Variants in GNG4 observed in about 807,000 individuals in gnomAD.
GNG4 encodes G protein subunit gamma 4.
A neutral mutation model predicts 5.8 loss-of-function variants in GNG4; 4 were observed. The ratio of observed to expected loss-of-function variants is 0.69; its 90% CI spans 0.34 to 1.57. The LOEUF is 1.57. Ranked by LOEUF, GNG4 falls within the 40% of genes most tolerant of loss-of-function variation. The pLI, the probability that GNG4 is intolerant of heterozygous loss-of-function variation, is 0.06. For missense variants in GNG4, 96 were observed against 95.1 expected, an observed-to-expected ratio of 1.01 and a Z score of -0.04; for synonymous variants, 29 against 32.9, an observed-to-expected ratio of 0.88 and a Z score of 0.41.
chr1:235,566,023 CA>C (rs1687184977), intron 3 of GNG4: 1 of 152,224 alleles, frequency 6.6e-6, no homozygotes. Flanking sequence ...GACTCTATCA[CA>C]CTGATAAAGA....
chr1:235,624,861 T>C (rs1688777997), intron 1 of GNG4, among the ~76,000 whole-genome samples: 1 of 152,218 alleles, frequency 6.6e-6, no homozygotes, highest in Admixed American at 6.5e-5. Context: ...GCAAACAGGC[T>C]CCTGAACACT....
At chr1:235,638,741 T>G (rs972030394) in intron 1 of GNG4, among the ~76,000 whole-genome samples, 2 of 152,110 alleles carry the variant, frequency 1.3e-5, no homozygotes, top group African/African-American at 4.8e-5. Flanking sequence ...CATTTATGAG[T>G]GAGAACATGC....
chr1:235,589,898 C>G (rs1687918855), intron 2 of GNG4, among the ~76,000 whole-genome samples: 1 of 152,114 alleles, frequency 6.6e-6, no homozygotes. Flanking sequence ...CCTCATGGTT[C>G]AGGCCATATT....
intron 1 of GNG4, among the ~76,000 whole-genome samples, chr1:235,602,164 GAA>G (rs1240307716): frequency 6.6e-6 from 1 of 152,138 alleles, no homozygotes; most frequent in East Asian, 1.9e-4. Flanking sequence ...TCCAGCTACT[GAA>G]GAGGCTGAGG....
Position 235,569,443 on chromosome 1 carries a change from G to C in GNG4, c.99+14297C>G, listed in dbSNP as rs538888760. 8.4e-5 allele frequency among the ~76,000 whole-genome samples: 11 copies of C among 131,688 alleles called. No individual in the cohort carries two copies. The South Asian group carries it at 2.8e-3, about 34-fold the overall frequency. 86.4% of individuals were successfully genotyped at this position (131,688 alleles called of 152,430 possible). A position where few individuals can be genotyped will look rare whatever the true frequency, so the allele number is the denominator to read the frequency against. On this transcript the variant is annotated intron_variant, in intron 3 of 3. Coordinates refer to ENST00000391854, the MANE Select transcript of GNG4 (RefSeq NM_001098722.2). ...ACTGCACTCCAGCCTGGGTGACAGAGGGAGACCGTGTCTCAAAAAAAAAAA... is the reference window on the plus strand; with the variant it reads ...ACTGCACTCCAGCCTGGGTGACAGACGGAGACCGTGTCTCAAAAAAAAAAA...
At chr1:235,637,423 T>TG (rs1195687061) in intron 1 of GNG4, among the ~76,000 whole-genome samples, 1 of 150,688 alleles carries the variant, frequency 6.6e-6, no homozygotes, top group Non-Finnish European at 1.5e-5. Context: ...GAGGCCAAGG[T>TG]GGGGGGATCA....
Position 235,616,299 on chromosome 1 carries a change from G to A in GNG4, c.-122-20788C>T, listed in dbSNP as rs568110271. On this transcript the variant is annotated intron_variant, in intron 1 of 3. Coordinates refer to ENST00000391854, the MANE Select transcript of GNG4 (RefSeq NM_001098722.2). Reference sequence around the variant, plus strand: ...TGCCAAGAGGATGGGAGGAAGGGCAGCATCTCCATCCCCTTTGTCATTCAG... The same window carrying A: ...TGCCAAGAGGATGGGAGGAAGGGCAACATCTCCATCCCCTTTGTCATTCAG... 243 of 450,964 alleles carry A rather than the reference G, an allele frequency of 5.4e-4. 1 individual carries two copies. The highest frequency in any genetic ancestry group is 1.9e-3 in the Middle Eastern group (4 of 2,066). The allele number at this position is 450,964 out of a possible 1,614,324, so 27.9% of individuals were successfully genotyped here.
intron 1 of GNG4, among the ~76,000 whole-genome samples, chr1:235,606,714 G>T (rs915934008): frequency 1.4e-4 from 21 of 152,156 alleles, no homozygotes; most frequent in African/African-American, 4.3e-4. Flanking sequence ...TTCACAGGGA[G>T]TTTGGGCTGA....
At chr1:235,568,742 G>A (rs949408565) in intron 3 of GNG4, among the ~76,000 whole-genome samples, 1 of 150,578 alleles carries the variant, frequency 6.6e-6, no homozygotes, top group Non-Finnish European at 1.5e-5. Flanking sequence ...TTCTGGGTTT[G>A]TATCCTTCCT....
Position 235,648,949 on chromosome 1 carries a change from C to T in GNG4, c.-123+713G>A, listed in dbSNP as rs1657584969. 1.3e-5 allele frequency among the ~76,000 whole-genome samples: 2 copies of T among 152,222 alleles called. No homozygotes were observed. The highest frequency in any genetic ancestry group is 2.9e-5 in the Non-Finnish European group (2 of 68,042). On this transcript the variant is annotated intron_variant, in intron 1 of 3. Coordinates refer to ENST00000391854, the MANE Select transcript of GNG4 (RefSeq NM_001098722.2). This position sits in a 1 kb window ranked among gnomAD's most constrained non-coding sequence, Gnocchi z 5.0. Reference sequence around the variant, plus strand: ...GAGTCTTTCCCCACCACGCTCTGTCCTCCTCCCCACTTCACCCTCCCGCCG... The same window carrying T: ...GAGTCTTTCCCCACCACGCTCTGTCTTCCTCCCCACTTCACCCTCCCGCCG...
chr1:235,560,491 T>C (rs2102916473), intron 3 of GNG4, among the ~76,000 whole-genome samples: 1 of 152,296 alleles, frequency 6.6e-6, no homozygotes, highest in East Asian at 1.9e-4. Flanking sequence ...TATGAGTTAA[T>C]AAATTTCTGT....
At chr1:235,600,430 G>C (rs1336815405) in intron 1 of GNG4, among the ~76,000 whole-genome samples, 1 of 102,602 alleles carries the variant, frequency 9.7e-6, no homozygotes, top group African/African-American at 4.1e-5. Context: ...GTGTGTGTGT[G>C]TGTGTGTGTA....
intron 1 of GNG4, among the ~76,000 whole-genome samples, chr1:235,621,858 G>C (rs1688719347): frequency 6.6e-6 from 1 of 151,958 alleles, no homozygotes; most frequent in South Asian, 2.1e-4. Context: ...TGTATTTTTA[G>C]TAGAGATGGG....
At position 235,552,134 on chromosome 1, in the gene GNG4, T is replaced by G. The variant is rs767965878; in HGVS notation, c.203A>C (p.Lys68Thr). The G allele has an allele frequency of 6.2e-7, 1 of 1,613,880 alleles. No homozygotes were observed. The highest frequency in any genetic ancestry group is 1.3e-5 in the African/African-American group (1 of 74,918). Residue 68 changes from lysine (K) to threonine (T), a missense_variant, in exon 4 of 4, where the codon AAG (lysine) becomes ACG (threonine). Lys to Thr is a moderately conservative substitution (Grantham distance 78). Transcript: ENST00000391854. ...VPASENPFRE[K>T]KFFCTIL ...TTAGAGAATGGTACAAAAGAACTTC[T>G]TCTCGCGAAAGGGGTTTTCTGATGC...
intron 3 of GNG4, among the ~76,000 whole-genome samples, chr1:235,555,789 G>A (rs1686887190): frequency 6.6e-6 from 1 of 152,038 alleles, no homozygotes; most frequent in Non-Finnish European, 1.5e-5. Flanking sequence ...TTATAGAATG[G>A]CTAAATCAAG....
chr1:235,575,197 G>A (rs189698561), intron 3 of GNG4, among the ~76,000 whole-genome samples: 1 of 152,158 alleles, frequency 6.6e-6, no homozygotes, highest in South Asian at 2.1e-4. Context: ...CCTGACGTAC[G>A]ATGGTCTGGC....
At chr1:235,558,831 T>C (rs997256968) in intron 3 of GNG4, among the ~76,000 whole-genome samples, 6 of 152,220 alleles carry the variant, frequency 3.9e-5, no homozygotes, top group African/African-American at 4.8e-5. Flanking sequence ...GTCTTAGTAT[T>C]GAACTGTTAG....
At chr1:235,629,468 A>G (rs984775169) in intron 1 of GNG4, among the ~76,000 whole-genome samples, 1 of 152,080 alleles carries the variant, frequency 6.6e-6, no homozygotes, top group Non-Finnish European at 1.5e-5. Flanking sequence ...TTTTGCTTCC[A>G]CTATTTTATC....
At chr1:235,624,601 G>T (rs982977342) in intron 1 of GNG4, among the ~76,000 whole-genome samples, 1 of 152,046 alleles carries the variant, frequency 6.6e-6, no homozygotes, top group Non-Finnish European at 1.5e-5. Context: ...ACCATTCCTC[G>T]GGCAAACCAT....
Sources: gnomAD v4.1 joint callset for allele counts (sites outside exome capture counted in the v4.1 genomes callset) on GRCh38, gnomAD v4.1.1 for gene constraint, Gnocchi (gnomAD v3.1) non-coding constraint, MANE v1.5 for transcripts, NCBI Gene and HGNC (gene_info 2026-07-23, HGNC 2026-07-21) for gene names.